Variants in ZNF678 observed in about 807,000 individuals in gnomAD.
ZNF678 encodes the protein zinc finger protein 678, also known as hypothetical protein MGC42493.
Under a neutral mutation model 3.0 loss-of-function variants are expected in ZNF678, and 5 were observed. That is an observed-to-expected ratio of 1.69 (90% confidence interval 0.88 to 3.56). ZNF678 has a LOEUF of 3.56. Among genes scored for constraint, ZNF678 ranks in the 30% most tolerant of loss-of-function variants. ZNF678 has a pLI of 0.00. For synonymous variants in ZNF678, 218 were observed against 199.6 expected (o/e 1.09, Z -0.78); for missense variants, 593 against 605.0 (o/e 0.98, Z 0.21).
At chr1:227,635,673 G>T (rs1051517498) in intron 1 of ZNF678, among the ~76,000 whole-genome samples, 1 of 152,056 alleles carries the variant, frequency 6.6e-6, no homozygotes, top group African/African-American at 2.4e-5. Flanking sequence ...CTGCAAGCTG[G>T]AAGTGTCCTA....
At chr1:227,669,573 C>T (rs1297957924) in intron 5 of ZNF678, among the ~76,000 whole-genome samples, 1 of 151,076 alleles carries the variant, frequency 6.6e-6, no homozygotes, top group Non-Finnish European at 1.5e-5. Flanking sequence ...GGCGGGAACC[C>T]GGGAGGCGGA....
intron 5 of ZNF678, among the ~76,000 whole-genome samples, chr1:227,670,238 CCAT>C (rs1337023885): frequency 2.0e-5 from 3 of 152,084 alleles, no homozygotes; most frequent in Non-Finnish European, 4.4e-5. Flanking sequence ...CCCAAAATAC[CCAT>C]GTAACAGTCC....
intron 1 of ZNF678, among the ~76,000 whole-genome samples, chr1:227,595,560 A>T (rs185777154): frequency 8.2e-4 from 125 of 152,298 alleles, no homozygotes; most frequent in African/African-American, 2.8e-3. Context: ...ATTTTTTAAC[A>T]TAGTTCCTAG....
chr1:227,621,688 T>C (rs1441567153), intron 1 of ZNF678, among the ~76,000 whole-genome samples: 1 of 152,230 alleles, frequency 6.6e-6, no homozygotes, highest in African/African-American at 2.4e-5. Context: ...CATTTAGCAA[T>C]TTTGGAATAT....
intron 5 of ZNF678, among the ~76,000 whole-genome samples, chr1:227,670,835 A>T (rs553681203): frequency 4.6e-5 from 7 of 152,126 alleles, no homozygotes; most frequent in Non-Finnish European, 1.0e-4. Context: ...CAGAGTCTCT[A>T]TGCTTATACT....
chr1:227,565,689 A>G (rs1023066300), intron 1 of ZNF678, among the ~76,000 whole-genome samples: 1 of 152,268 alleles, frequency 6.6e-6, no homozygotes, highest in African/African-American at 2.4e-5. Context: ...TCCTAGGCAC[A>G]GACGCCTTGT....
chr1:227,652,825 A>G (rs946346125), intron 3 of ZNF678, among the ~76,000 whole-genome samples: 3 of 152,038 alleles, frequency 2.0e-5, no homozygotes, highest in African/African-American at 7.2e-5. Context: ...ACAGAATTTT[A>G]TTTTTGTATA....
chr1:227,675,327 T>C (rs1490594701), intron 5 of ZNF678, among the ~76,000 whole-genome samples: 1 of 152,190 alleles, frequency 6.6e-6, no homozygotes, highest in East Asian at 1.9e-4. Context: ...AGCACCTTGA[T>C]TTTGGACTTC....
chr1:227,608,529 A>G (rs1453702090), intron 1 of ZNF678, among the ~76,000 whole-genome samples: 1 of 152,208 alleles, frequency 6.6e-6, no homozygotes, highest in Non-Finnish European at 1.5e-5. Context: ...AAATCATCAC[A>G]TTCTACAAAT....
At chr1:227,569,040 G>T (rs1656769174) in intron 1 of ZNF678, among the ~76,000 whole-genome samples, 1 of 152,210 alleles carries the variant, frequency 6.6e-6, no homozygotes, top group African/African-American at 2.4e-5. Flanking sequence ...GGACTTAGAG[G>T]TGTTGCTGGA....
rs1659319821 is a variant in ZNF678 at position 227,658,691 on chromosome 1, T to G, written c.*2863T>G. 1 of 152,064 alleles carries G rather than the reference T, an allele frequency of 6.6e-6. No individual in the cohort carries two copies. Among genetic ancestry groups the G allele is most frequent in the Non-Finnish European group, 1.5e-5 (1 of 67,956 alleles). 9.4% of individuals were successfully genotyped at this position (152,064 alleles called of 1,614,324 possible). ...TGAAATTTTTAATATAGTGAAAAAT[T>G]GGATTTAACTGGAGAGTTTGAGGAC... On this transcript the variant is annotated 3_prime_UTR_variant, in exon 4 of 4. Coordinates refer to ENST00000343776, the MANE Select transcript of ZNF678 (RefSeq NM_001367909.1).
In ZNF678 at chr1:227,633,814, A is replaced by T. The variant is rs566879184; in HGVS notation, c.-163-12730A>T. 4.2e-4 allele frequency among the ~76,000 whole-genome samples: 64 copies of T among 152,308 alleles called. No homozygotes were observed. The Middle Eastern group carries it at 0.02, about 49-fold the overall frequency. On this transcript the variant is annotated intron_variant, in intron 1 of 3. Coordinates refer to ENST00000343776, the MANE Select transcript of ZNF678 (RefSeq NM_001367909.1). ...CTAGGCCACAAAGACTGCAACTCCT[A>T]GGTGAGTTATAGTGCTGAACTGGGC...
At chr1:227,598,693 T>C (rs1177111480) in intron 1 of ZNF678, 5 of 523,432 alleles carry the variant, frequency 9.6e-6, no homozygotes, top group Non-Finnish European at 1.8e-5. Context: ...TTTTTCTTTT[T>C]TAAACTATCC....
Position 227,591,088 on chromosome 1 carries a change from T to C in ZNF678, c.-164+27364T>C, listed in dbSNP as rs147558368. On this transcript the variant is annotated intron_variant, in intron 1 of 3. Coordinates refer to ENST00000343776, the MANE Select transcript of ZNF678 (RefSeq NM_001367909.1). ...AGACTGCGCTACATGCTCGGCTAAT[T>C]GCAAAAACAAATTTCTTGTTTTTCT... Among the ~76,000 whole-genome samples, 420 of 151,898 alleles carry C rather than the reference T, an allele frequency of 2.8e-3. 17 individuals carry two copies. The highest frequency in any genetic ancestry group is 9.8e-3 in the African/African-American group (406 of 41,280).
chr1:227,678,360 G>C (rs1553273376), downstream of ZNF678, among the ~76,000 whole-genome samples: 1 of 152,172 alleles, frequency 6.6e-6, no homozygotes, highest in Non-Finnish European at 1.5e-5. Context: ...AGTAAGACTT[G>C]TAAGAGTCTG....
rs919452811 is a variant in ZNF678, at chr1:227,641,000, T to A, written c.-163-5544T>A. Among the ~76,000 whole-genome samples, 3 of 152,238 alleles carry A rather than the reference T, an allele frequency of 2.0e-5. No homozygotes were observed. In the East Asian group the frequency reaches 5.8e-4, roughly 29 times the overall value. ...ACGCCAGAGCCTTCTTGGACCAACG[T>A]TGGATTTTCAGACCGGAGAAATCAA... is the stretch of plus-strand genomic sequence containing the variant. On this transcript the variant is annotated intron_variant, in intron 1 of 3. Transcript: ENST00000343776.
chr1:227,604,370 T>C (rs1303236967), intron 1 of ZNF678, among the ~76,000 whole-genome samples: 1 of 152,190 alleles, frequency 6.6e-6, no homozygotes, highest in Admixed American at 6.5e-5. Flanking sequence ...TTCTACTGCA[T>C]AAGAAGGGAT....
At chr1:227,598,452 G>A in intron 1 of ZNF678, 2 of 1,474,940 alleles carry the variant, frequency 1.4e-6, no homozygotes, top group Non-Finnish European at 1.8e-6. Context: ...TGAACTAGCA[G>A]CCTTCTTTTT....
At chr1:227,649,112 A>T (rs1388036752) in intron 2 of ZNF678, among the ~76,000 whole-genome samples, 5 of 151,736 alleles carry the variant, frequency 3.3e-5, no homozygotes, top group East Asian at 3.9e-4. Context: ...CTGTCTAAAA[A>T]CATTTAGGTT....
Sources: gnomAD v4.1 joint callset for allele counts (sites outside exome capture counted in the v4.1 genomes callset) on GRCh38, gnomAD v4.1.1 for gene constraint, MANE v1.5 for transcripts, NCBI Gene and HGNC (gene_info 2026-07-23, HGNC 2026-07-21) for gene names.